Variants in MATN2 observed in about 807,000 individuals in gnomAD.
The protein encoded by MATN2 is matrilin-2.
MATN2 carries 69 observed loss-of-function variants against 103.2 expected under a neutral mutation model. The observed-to-expected ratio is 0.67, with a 90% confidence interval of 0.55 to 0.82. The LOEUF (loss-of-function observed/expected upper bound fraction) is 0.82, where lower values mean the gene tolerates loss of function less well. Among genes scored for constraint, MATN2 ranks in the 40% least tolerant of loss-of-function variants. MATN2 has a pLI of 0.00. For synonymous variants in MATN2, 429 were observed against 450.2 expected (o/e 0.95, Z 0.60); for missense variants, 1,023 against 1,211.5 (o/e 0.84, Z 2.31).
rs893887226 is a variant in MATN2, at chr8:97,914,765, G to A, written c.143-16188G>A. On this transcript the variant is annotated intron_variant, in intron 2 of 18. Coordinates refer to ENST00000254898, the MANE Select transcript of MATN2 (RefSeq NM_002380.5). ...TGCCACATCACCTGTGGTTACCTGG[G>A]TGCGTGTGCATCCCACTCTGTTCTG... Among the ~76,000 whole-genome samples the A allele has an allele frequency of 4.6e-5, 7 of 152,068 alleles. No individual in the cohort carries two copies. In the South Asian group the frequency reaches 1.4e-3, roughly 31 times the overall value.
At chr8:97,948,393 T>C (rs1378755588) in intron 4 of MATN2, among the ~76,000 whole-genome samples, 2 of 152,112 alleles carry the variant, frequency 1.3e-5, no homozygotes, top group African/African-American at 4.8e-5. Context: ...AACAAAGCTT[T>C]GAAAAAGATA....
chr8:97,995,409 G>T (rs1812549895), intron 7 of MATN2, among the ~76,000 whole-genome samples: 1 of 151,998 alleles, frequency 6.6e-6, no homozygotes, highest in Non-Finnish European at 1.5e-5. Flanking sequence ...CTTCAATCTT[G>T]TTAGAAAGAT....
At chr8:97,891,969 G>C (rs575434135) in intron 2 of MATN2, among the ~76,000 whole-genome samples, 3 of 152,178 alleles carry the variant, frequency 2.0e-5, no homozygotes, top group African/African-American at 7.2e-5. Context: ...GTGCACAGTG[G>C]CTCACACCTG....
intron 7 of MATN2, among the ~76,000 whole-genome samples, chr8:98,003,358 C>G (rs1249850705): frequency 6.6e-6 from 1 of 152,086 alleles, no homozygotes; most frequent in Non-Finnish European, 1.5e-5. Flanking sequence ...CACCCCAGGA[C>G]TCAGTGAGGC....
chr8:97,913,583 A>G (rs1283299479), intron 2 of MATN2, among the ~76,000 whole-genome samples: 1 of 141,132 alleles, frequency 7.1e-6, no homozygotes, highest in East Asian at 2.2e-4. Context: ...TCAGAGTGCT[A>G]GGATTACAGG....
chr8:97,975,113 A>G (rs1330427385), intron 5 of MATN2, among the ~76,000 whole-genome samples: 1 of 152,178 alleles, frequency 6.6e-6, no homozygotes, highest in African/African-American at 2.4e-5. Context: ...TCAGCATACA[A>G]CCCAGCCAAT....
chr8:97,973,133 A>C (rs899404195), intron 5 of MATN2, among the ~76,000 whole-genome samples: 2 of 152,224 alleles, frequency 1.3e-5, no homozygotes, highest in Non-Finnish European at 2.9e-5. Flanking sequence ...TTCCATGTTT[A>C]ACCACTGCAC....
rs532242906 is a variant in MATN2, at chr8:97,943,127, A to G, written c.835+1228A>G. Among the ~76,000 whole-genome samples the G allele has an allele frequency of 6.2e-4, 95 of 152,212 alleles. 1 individual carries two copies. The highest frequency in any genetic ancestry group is 2.2e-3 in the African/African-American group (90 of 41,510). ...CATAACAAAAACTCACTCCCACCGAATACTCATGGGTTTCATAGAGTTTCC... is the reference window on the plus strand; with the variant it reads ...CATAACAAAAACTCACTCCCACCGAGTACTCATGGGTTTCATAGAGTTTCC... On this transcript the variant is annotated intron_variant, in intron 4 of 18. Coordinates refer to ENST00000254898, the MANE Select transcript of MATN2 (RefSeq NM_002380.5).
intron 2 of MATN2, among the ~76,000 whole-genome samples, chr8:97,892,186 G>A (rs868697427): frequency 1.2e-4 from 18 of 149,350 alleles, no homozygotes; most frequent in South Asian, 2.1e-4. Flanking sequence ...GCAGTGAGCC[G>A]AGATCACACC....
rs559380150 is a variant in MATN2 at position 97,980,634 on chromosome 8, G to A, written c.1081+1626G>A. On this transcript the variant is annotated intron_variant, in intron 6 of 18. Transcript: ENST00000254898. ...GGCTGGAGAGCAGTGATGTGATCTC[G>A]GCTCACTGCAACCTCCACCTCCTGG... Among the ~76,000 whole-genome samples the A allele has an allele frequency of 5.0e-5, 7 of 140,696 alleles. No individual in the cohort carries two copies. In the East Asian group the frequency reaches 1.0e-3, roughly 21 times the overall value. The allele number at this position is 140,696 out of a possible 152,430, so 92.3% of individuals were successfully genotyped here. A position where few individuals can be genotyped will look rare whatever the true frequency, so the allele number is the denominator to read the frequency against.
At chr8:97,909,693 G>A (rs1819297867) in intron 2 of MATN2, among the ~76,000 whole-genome samples, 1 of 152,202 alleles carries the variant, frequency 6.6e-6, no homozygotes, top group African/African-American at 2.4e-5. Flanking sequence ...GATCAGAGAA[G>A]TAACAAGGGG....
intron 14 of MATN2, among the ~76,000 whole-genome samples, chr8:98,030,086 A>G (rs941519084): frequency 6.6e-6 from 1 of 152,230 alleles, no homozygotes; most frequent in African/African-American, 2.4e-5. Flanking sequence ...TAGGTCATAA[A>G]TTGACTTGAT....
At chr8:97,959,785 C>G (rs1811248162) in intron 4 of MATN2, among the ~76,000 whole-genome samples, 1 of 149,046 alleles carries the variant, frequency 6.7e-6, no homozygotes, top group Admixed American at 6.6e-5. Context: ...ATCAAATCAG[C>G]TTTTATCTTT....
At chr8:97,891,595 C>T (rs1311589031) in intron 2 of MATN2, among the ~76,000 whole-genome samples, 1 of 152,082 alleles carries the variant, frequency 6.6e-6, no homozygotes, top group African/African-American at 2.4e-5. Flanking sequence ...CCCTCAGTCT[C>T]CCAAAGTGCT....
At position 97,961,476 on chromosome 8, in the gene MATN2, G is replaced by C; in HGVS notation, c.904G>C (p.Val302Leu). 6.2e-7 allele frequency: 1 copy of C among 1,613,772 alleles called. No individual in the cohort carries two copies. The change falls in exon 5 of 19, where the codon GTC (valine) becomes CTC (leucine). Residue 302 changes from valine to leucine, a missense_variant. Physicochemically the swap from Val to Leu is conservative, Grantham distance 32. Transcript: ENST00000254898. ...CTGTGTGAATGTGCCGGGCTCCTTC[G>C]TCTGCCAGTGCTACAGTGGCTACGC... ...QLCVNVPGSF[V>L]CQCYSGYALA...
chr8:97,942,872 G>A (rs1810615707), intron 4 of MATN2, among the ~76,000 whole-genome samples: 1 of 152,088 alleles, frequency 6.6e-6, no homozygotes, highest in East Asian at 1.9e-4. Context: ...TCAGTTTTGG[G>A]GTTGAGTGGT....
At chr8:97,960,101 C>T (rs563941796) in intron 4 of MATN2, among the ~76,000 whole-genome samples, 28 of 152,138 alleles carry the variant, frequency 1.8e-4, no homozygotes, top group Non-Finnish European at 3.7e-4. Context: ...GGATTACAGG[C>T]GCGTGCCACC....
intron 13 of MATN2, among the ~76,000 whole-genome samples, chr8:98,022,592 C>G (rs1029289113): frequency 1.3e-5 from 2 of 152,112 alleles, no homozygotes; most frequent in African/African-American, 4.8e-5. Flanking sequence ...TGTCATCTCA[C>G]TCATGATTTG....
intron 5 of MATN2, among the ~76,000 whole-genome samples, chr8:97,974,274 G>A (rs1466940099): frequency 2.0e-5 from 3 of 151,730 alleles, no homozygotes; most frequent in Admixed American, 6.6e-5. Flanking sequence ...GAGTAAATGC[G>A]ACAACAGGTG....
Sources: gnomAD v4.1 joint callset for allele counts (sites outside exome capture counted in the v4.1 genomes callset) on GRCh38, gnomAD v4.1.1 for gene constraint, MANE v1.5 for transcripts, NCBI Gene and HGNC (gene_info 2026-07-23, HGNC 2026-07-21) for gene names.